The following PAPSS1 variants were observed in gnomAD, a reference collection of about 807,000 sequenced individuals.
PAPSS1 encodes the protein bifunctional 3'-phosphoadenosine 5'-phosphosulfate synthase 1.
In PAPSS1, 50 loss-of-function variants were observed where a neutral mutation model predicts 72.0. The observed-to-expected ratio is 0.69, with a 90% CI of 0.55 to 0.88. PAPSS1 has a LOEUF of 0.88. Among genes scored for constraint, PAPSS1 ranks in the 40% least tolerant of loss-of-function variants. The pLI is 0.00. For missense variants in PAPSS1, 657 were observed against 782.2 expected (o/e 0.84, Z 1.91); for synonymous variants, 261 against 263.6 (o/e 0.99, Z 0.09).
At chr4:107,696,415 C>T (rs772261401) in intron 2 of PAPSS1, among the ~76,000 whole-genome samples, 1 of 152,164 alleles carries the variant, frequency 6.6e-6, no homozygotes, top group Non-Finnish European at 1.5e-5. Flanking sequence ...GAGATCATGT[C>T]GTCTGCAGGG....
Position 107,698,498 on chromosome 4 carries a change from G to C in PAPSS1, c.175+2673C>G, listed in dbSNP as rs1029860179. ...ACCACATCCGAACAAGTGAAAACCT[G>C]AACAGAATAACTCTTCTTGGATCCG... On this transcript the variant is annotated intron_variant, in intron 2 of 11. Coordinates refer to ENST00000265174, the MANE Select transcript of PAPSS1 (RefSeq NM_005443.5). 5.3e-5 allele frequency among the ~76,000 whole-genome samples: 8 copies of C among 152,172 alleles called. No homozygotes were observed. The East Asian group carries it at 1.4e-3, about 26-fold the overall frequency.
At chr4:107,657,237 C>T (rs1450393374) in intron 6 of PAPSS1, among the ~76,000 whole-genome samples, 1 of 152,172 alleles carries the variant, frequency 6.6e-6, no homozygotes, top group Admixed American at 6.5e-5. Context: ...ACAGCCTCTC[C>T]TAAACTAGTG....
chr4:107,624,409 G>A (rs1284776664), intron 11 of PAPSS1, among the ~76,000 whole-genome samples: 1 of 152,064 alleles, frequency 6.6e-6, no homozygotes, highest in African/African-American at 2.4e-5. Context: ...GTTCCATAAG[G>A]GCAATGACAA....
intron 9 of PAPSS1, among the ~76,000 whole-genome samples, chr4:107,649,601 C>A (rs888777199): frequency 6.6e-6 from 1 of 152,194 alleles, no homozygotes; most frequent in Non-Finnish European, 1.5e-5. Context: ...CACTTATCAT[C>A]GAGATCCACT....
intron 1 of PAPSS1, among the ~76,000 whole-genome samples, chr4:107,713,191 C>T (rs1003083949): frequency 9.9e-5 from 15 of 151,910 alleles, no homozygotes; most frequent in African/African-American, 2.7e-4. Context: ...ACATGGATGA[C>T]GCTTGAAAAC....
intron 1 of PAPSS1, among the ~76,000 whole-genome samples, chr4:107,719,336 T>C (rs934912895): frequency 6.6e-6 from 1 of 152,196 alleles, no homozygotes; most frequent in Non-Finnish European, 1.5e-5. Context: ...CCTTCCCTGC[T>C]GCACACTTAC....
chr4:107,711,473 G>A (rs1723494562), intron 1 of PAPSS1, among the ~76,000 whole-genome samples: 1 of 151,896 alleles, frequency 6.6e-6, no homozygotes, highest in African/African-American at 2.4e-5. Context: ...CATATTTTGT[G>A]AATTTTTCAT....
At chr4:107,624,799 A>T (rs999993879) in intron 11 of PAPSS1, among the ~76,000 whole-genome samples, 1 of 152,194 alleles carries the variant, frequency 6.6e-6, no homozygotes, top group African/African-American at 2.4e-5. Flanking sequence ...TTATAGTCAG[A>T]CTCTACATGT....
intron 5 of PAPSS1, among the ~76,000 whole-genome samples, chr4:107,661,792 T>G (rs1432926161): frequency 6.6e-6 from 1 of 152,208 alleles, no homozygotes; most frequent in African/African-American, 2.4e-5. Flanking sequence ...TATTTGGTCT[T>G]ACATGACATG....
rs180958952 is a variant in PAPSS1 at position 107,673,990 on chromosome 4, C to A, written c.669+8025G>T. Among the ~76,000 whole-genome samples the A allele has an allele frequency of 2.3e-3, 347 of 152,220 alleles. 1 individual carries two copies. The highest frequency in any genetic ancestry group is 8.0e-3 in the African/African-American group (331 of 41,526). ...AGAAATAAAATCCTTAACAGACAAG[C>A]AAATGCTAAGAGATTTTGTCACCAC... On this transcript the variant is annotated intron_variant, in intron 5 of 11. Transcript: ENST00000265174.
At chr4:107,646,831 A>C (rs112137923) in intron 9 of PAPSS1, among the ~76,000 whole-genome samples, 3 of 152,152 alleles carry the variant, frequency 2.0e-5, no homozygotes, top group South Asian at 2.1e-4. Flanking sequence ...ACTGCCTCTA[A>C]GTGCTCCACA....
chr4:107,627,270 A>C (rs547483959), intron 11 of PAPSS1, among the ~76,000 whole-genome samples: 35 of 152,334 alleles, frequency 2.3e-4, no homozygotes, highest in Non-Finnish European at 4.0e-4. Flanking sequence ...AATTCACCTA[A>C]GTTTTAAGCA....
chr4:107,693,663 A>G (rs1160525788), intron 3 of PAPSS1, 108 bp downstream of exon 3: 7 of 713,442 alleles, frequency 9.8e-6, no homozygotes, highest in Middle Eastern at 3.6e-4. Flanking sequence ...GCTGGGGAGG[A>G]GTAGAGTTAG....
intron 11 of PAPSS1, among the ~76,000 whole-genome samples, chr4:107,616,831 T>C (rs1725833781): frequency 6.6e-6 from 1 of 152,158 alleles, no homozygotes; most frequent in South Asian, 2.1e-4. Context: ...ATACATAATA[T>C]AAGAAATGTT....
chr4:107,655,043 C>G, intron 7 of PAPSS1, 143 bp from the exon 8 acceptor site: 2 of 470,984 alleles, frequency 4.2e-6, no homozygotes, highest in South Asian at 2.9e-5. Context: ...GTACCTGGCA[C>G]AGAAAAACGA....
chr4:107,644,760 G>A (rs764565557), intron 10 of PAPSS1, 42 bp downstream of exon 10: 2 of 1,552,706 alleles, frequency 1.3e-6, no homozygotes, highest in East Asian at 4.5e-5. Context: ...TAGTAAGAGT[G>A]GCTTTAACAC....
intron 11 of PAPSS1, among the ~76,000 whole-genome samples, chr4:107,626,655 T>C (rs1726109269): frequency 6.6e-6 from 1 of 152,252 alleles, no homozygotes; most frequent in South Asian, 2.1e-4. Context: ...CTTACATTGG[T>C]ATTTAATCAA....
rs138575863 is a variant in PAPSS1 at position 107,715,518 on chromosome 4, G to A, written c.60+4602C>T. On this transcript the variant is annotated intron_variant, in intron 1 of 11. Coordinates refer to ENST00000265174, the MANE Select transcript of PAPSS1 (RefSeq NM_005443.5). ...CTTATTTCATTTTTGTATCATCTGA[G>A]TATTCAGCTAAATCCAGAATGTGCT... is the stretch of plus-strand genomic sequence containing the variant. Among the ~76,000 whole-genome samples the A allele has an allele frequency of 6.0e-3, 918 of 152,280 alleles. 9 individuals carry two copies. The highest frequency in any genetic ancestry group is 0.021 in the African/African-American group (859 of 41,546).
At chr4:107,710,620 C>G (rs1411038574) in intron 1 of PAPSS1, among the ~76,000 whole-genome samples, 1 of 152,222 alleles carries the variant, frequency 6.6e-6, no homozygotes, top group East Asian at 1.9e-4. Context: ...CAGCAGCTCA[C>G]TCACATTAGC....
Sources: gnomAD v4.1 joint callset for allele counts (sites outside exome capture counted in the v4.1 genomes callset) on GRCh38, gnomAD v4.1.1 for gene constraint, MANE v1.5 for transcripts, NCBI Gene and HGNC (gene_info 2026-07-23, HGNC 2026-07-21) for gene names.